POT1: variants seen among roughly 807,000 people sequenced by gnomAD.
POT1 encodes the protein protection of telomeres protein 1.
In POT1, 47 loss-of-function variants were observed where a neutral mutation model predicts 78.5. The ratio of observed to expected loss-of-function variants is 0.60; its 90% CI spans 0.47 to 0.76. The LOEUF (loss-of-function observed/expected upper bound fraction) is 0.76, where lower values mean the gene tolerates loss of function less well. Ranked by LOEUF, POT1 falls within the 30% of genes least tolerant of loss-of-function variation. The pLI is 0.00. For missense variants in POT1, 646 were observed against 749.9 expected, an observed-to-expected ratio of 0.86 and a Z score of 1.62; for synonymous variants, 259 against 260.7, an observed-to-expected ratio of 0.99 and a Z score of 0.06.
intron 3 of POT1, among the ~76,000 whole-genome samples, chr7:124,908,415 G>C (rs1222207530): frequency 6.6e-6 from 1 of 151,848 alleles, no homozygotes; most frequent in Non-Finnish European, 1.5e-5. Flanking sequence ...TGTATGATTT[G>C]ACCCCTACCC....
chr7:124,842,856 T>TGA lies in POT1; in HGVS notation c.1113_1114insTC (p.Arg372SerfsTer29). On this transcript the variant is annotated frameshift_variant, in exon 13 of 19. Coordinates refer to ENST00000357628, the MANE Select transcript of POT1 (RefSeq NM_015450.3). LOFTEE classifies it high-confidence loss of function. ...AGTTTAACAGACTGAAATAGTCTTC[T>TGA]GGGCTTATATGACCTCAATTTTGCT... The TGA allele has an allele frequency of 6.2e-7, 1 of 1,608,430 alleles. No homozygotes were observed. Among genetic ancestry groups the TGA allele is most frequent in the Non-Finnish European group, 8.5e-7 (1 of 1,178,620 alleles).
At chr7:124,906,497 G>T (rs1796769382) in intron 3 of POT1, among the ~76,000 whole-genome samples, 1 of 115,102 alleles carries the variant, frequency 8.7e-6, no homozygotes, top group African/African-American at 3.3e-5. Context: ...CGTAGGGTGG[G>T]GGGAGGGGAG....
intron 6 of POT1, among the ~76,000 whole-genome samples, chr7:124,885,208 C>T (rs577084003): frequency 3.2e-4 from 46 of 143,642 alleles, no homozygotes; most frequent in African/African-American, 1.1e-3. Context: ...GTAATCCCAG[C>T]ACTTTGGGAG....
intron 6 of POT1, among the ~76,000 whole-genome samples, chr7:124,876,767 A>G (rs1296133688): frequency 6.6e-6 from 1 of 152,162 alleles, no homozygotes; most frequent in African/African-American, 2.4e-5. Context: ...TGGACATTCC[A>G]CAGCAAATAC....
intron 12 of POT1, among the ~76,000 whole-genome samples, chr7:124,846,092 T>C (rs183970752): frequency 1.3e-5 from 2 of 152,010 alleles, no homozygotes; most frequent in East Asian, 1.9e-4. Flanking sequence ...TTATGGCAAC[T>C]GGAGTGCTGC....
chr7:124,882,887 G>A (rs1022101678), intron 6 of POT1, among the ~76,000 whole-genome samples: 1 of 151,976 alleles, frequency 6.6e-6, no homozygotes, highest in Admixed American at 6.6e-5. Context: ...TCCTGAAAAT[G>A]AGAAATAGCA....
At chr7:124,850,870 G>T (rs1030839383) in intron 11 of POT1, among the ~76,000 whole-genome samples, 1 of 150,296 alleles carries the variant, frequency 6.7e-6, no homozygotes, top group Admixed American at 6.6e-5. Flanking sequence ...CTCATAAAAT[G>T]ATTCTTTGGA....
At chr7:124,901,325 CATTTGCTGTTCTGCAAT>C (rs1796613585) in intron 3 of POT1, among the ~76,000 whole-genome samples, 2 of 152,158 alleles carry the variant, frequency 1.3e-5, no homozygotes, top group Admixed American at 6.5e-5. Flanking sequence ...CAGGCAGCAA[CATTTGCTGTTCTGCAAT>C]ATTTGCTGTT....
chr7:124,904,215 A>C (rs111840080), intron 3 of POT1, among the ~76,000 whole-genome samples: 27 of 152,320 alleles, frequency 1.8e-4, no homozygotes, highest in African/African-American at 5.5e-4. Flanking sequence ...CATAACAAAA[A>C]AAGAGAATTT....
rs1795236232 is a variant in POT1 at position 124,848,883 on chromosome 7, T to C, written c.950-1885A>G. 2.0e-5 allele frequency among the ~76,000 whole-genome samples: 3 copies of C among 152,166 alleles called. No individual in the cohort carries two copies. In the South Asian group the frequency reaches 6.2e-4, roughly 31 times the overall value. On this transcript the variant is annotated intron_variant, in intron 11 of 18. Coordinates refer to ENST00000357628, the MANE Select transcript of POT1 (RefSeq NM_015450.3). ...GATAAAATAGTAAACTTATGAAATT[T>C]AATAGAATGACCAAATGAACATCAA...
intron 9 of POT1, among the ~76,000 whole-genome samples, chr7:124,855,083 T>A (rs994057116): frequency 6.6e-6 from 1 of 151,386 alleles, no homozygotes; most frequent in Admixed American, 6.6e-5. Flanking sequence ...CAAAAACTTA[T>A]ACGAAAGAGA....
rs147671207 is a variant in POT1 at position 124,901,587 on chromosome 7, A to G, written c.-153-3213T>C. Among the ~76,000 whole-genome samples the G allele has an allele frequency of 9.2e-5, 14 of 152,344 alleles. No homozygotes were observed. The East Asian group carries it at 2.7e-3, about 29-fold the overall frequency. On this transcript the variant is annotated intron_variant, in intron 3 of 18. Transcript: ENST00000357628. Reference sequence around the variant, plus strand: ...AAGGTCAGGAGAAACCAGAGCAGAAAAGCTGAAAATTCTAAAAATCAGAGC... The same window carrying G: ...AAGGTCAGGAGAAACCAGAGCAGAAGAGCTGAAAATTCTAAAAATCAGAGC...
intron 2 of POT1, among the ~76,000 whole-genome samples, chr7:124,917,857 C>T (rs760002742): frequency 5.3e-5 from 8 of 152,066 alleles, no homozygotes; most frequent in Non-Finnish European, 1.0e-4. Context: ...CTAGCACCTG[C>T]GAAAGGGCCC....
intron 7 of POT1, among the ~76,000 whole-genome samples, chr7:124,867,632 A>ATTTT (rs1795761824): frequency 6.6e-6 from 1 of 150,934 alleles, no homozygotes; most frequent in African/African-American, 2.5e-5. Flanking sequence ...TTGCTTTATT[A>ATTTT]TTTTTATTTA....
At chr7:124,863,718 T>C in intron 7 of POT1, 78 bp from the exon 8 acceptor site, 2 of 1,137,514 alleles carry the variant, frequency 1.8e-6, no homozygotes, top group Non-Finnish European at 2.5e-6. Flanking sequence ...CCAAAGAAAC[T>C]GGAAAGATTA....
intron 6 of POT1, among the ~76,000 whole-genome samples, chr7:124,891,536 G>A (rs965282778): frequency 6.6e-6 from 1 of 151,322 alleles, no homozygotes; most frequent in African/African-American, 2.4e-5. Context: ...CATTAGGAAG[G>A]TCTTACGATT....
rs2116542498 is a variant in POT1 at position 124,863,588 on chromosome 7, G to A, written c.308C>T (p.Ser103Phe). ...TQGITSSGFA[S>F]LTFEGTLGAP... The stretch of plus-strand genomic sequence containing the variant: ...TCCCAAAGTTCCCTCAAACGTCAAA[G>A]ATGCAAAGCCAGAGCTGGTGATACC... Residue 103 changes from serine to phenylalanine, a missense_variant, in exon 8 of 19, where the codon TCT becomes TTT. This residue lies in a region of POT1 where 252 missense variants were observed against 341.4 expected (regional missense o/e 0.74). Coordinates refer to ENST00000357628, the MANE Select transcript of POT1 (RefSeq NM_015450.3). The A allele has an allele frequency of 6.2e-7, 1 of 1,613,830 alleles. No individual in the cohort carries two copies. The highest frequency in any genetic ancestry group is 1.7e-5 in the Admixed American group (1 of 59,990).
intron 3 of POT1, among the ~76,000 whole-genome samples, 182 bp from the exon 4 acceptor site, chr7:124,898,556 T>C (rs1254060250): frequency 6.6e-6 from 1 of 152,104 alleles, no homozygotes; most frequent in Non-Finnish European, 1.5e-5. Flanking sequence ...CCACTTCCTC[T>C]AAAACATCTT....
chr7:124,858,139 A>G (rs938064058), intron 9 of POT1, among the ~76,000 whole-genome samples: 1 of 152,088 alleles, frequency 6.6e-6, no homozygotes, highest in Non-Finnish European at 1.5e-5. Context: ...GGTCAGGGAA[A>G]TACCCTGCTT....
Sources: allele counts gnomAD v4.1 joint callset (sites outside exome capture counted in the v4.1 genomes callset), GRCh38; gene constraint gnomAD v4.1.1; regional missense constraint gnomAD v4.1.1; transcripts MANE v1.5; gene names NCBI Gene and HGNC (gene_info 2026-07-23, HGNC 2026-07-21).